The following FAM13A variants were observed in gnomAD, a reference collection of about 807,000 sequenced individuals.
The protein encoded by FAM13A is family with sequence similarity 13 member A.
A neutral mutation model predicts 129.6 loss-of-function variants in FAM13A; 76 were observed. That is an observed-to-expected ratio of 0.59 (90% CI 0.49 to 0.71). The LOEUF is 0.71. FAM13A is among the 30% of genes least tolerant of loss of function. The pLI, the probability that FAM13A is intolerant of heterozygous loss-of-function variation, is 0.00. For missense variants in FAM13A, 1,108 were observed against 1,249.3 expected, an observed-to-expected ratio of 0.89 and a Z score of 1.70; for synonymous variants, 443 against 449.9, an observed-to-expected ratio of 0.98 and a Z score of 0.20.
At chr4:89,007,073 A>G (rs1386365539) in intron 3 of FAM13A, among the ~76,000 whole-genome samples, 1 of 152,118 alleles carries the variant, frequency 6.6e-6, no homozygotes, top group Non-Finnish European at 1.5e-5. Flanking sequence ...TTGAGGGTGG[A>G]GCCCTCACCA....
intron 11 of FAM13A, among the ~76,000 whole-genome samples, chr4:88,771,046 A>G (rs1720572984): frequency 6.6e-6 from 1 of 152,114 alleles, no homozygotes; most frequent in African/African-American, 2.4e-5. Flanking sequence ...GTCTGGTTTC[A>G]CTAAAACAGC....
chr4:88,804,684 T>C (rs1203962558), intron 8 of FAM13A, among the ~76,000 whole-genome samples: 1 of 140,470 alleles, frequency 7.1e-6, no homozygotes. Context: ...CCCACTAACC[T>C]ATGCATATGT....
At chr4:88,994,308 A>G (rs1763273709) in intron 3 of FAM13A, among the ~76,000 whole-genome samples, 1 of 152,194 alleles carries the variant, frequency 6.6e-6, no homozygotes, top group Non-Finnish European at 1.5e-5. Context: ...CTCTTTTCAT[A>G]CAGGTTAATT....
rs570498387 is a variant in FAM13A, at chr4:88,830,023, C to T, written c.1007+20997G>A. Among the ~76,000 whole-genome samples the T allele has an allele frequency of 3.7e-4, 56 of 152,096 alleles. No individual in the cohort carries two copies. The East Asian group carries it at 4.8e-3, about 13-fold the overall frequency. ...AGGTTTATATTTATATGTGTGTGTG[C>T]GCATATATATATTCAATAATGGCTA... On this transcript the variant is annotated intron_variant, in intron 7 of 23. Transcript: ENST00000264344.
At chr4:88,851,212 G>C (rs879036666) in intron 6 of FAM13A, 29 bp from the exon 7 acceptor site, 2 of 1,522,068 alleles carry the variant, frequency 1.3e-6, no homozygotes, top group Non-Finnish European at 1.8e-6. Flanking sequence ...AGGGGTGGGG[G>C]AGAGCTAGAT....
At chr4:88,955,519 A>C (rs1421123349) in intron 4 of FAM13A, among the ~76,000 whole-genome samples, 1 of 152,202 alleles carries the variant, frequency 6.6e-6, no homozygotes, top group African/African-American at 2.4e-5. Context: ...AAAGATACCC[A>C]AAAAATGTGA....
chr4:88,737,825 C>T (rs1275564488), intron 20 of FAM13A, among the ~76,000 whole-genome samples: 1 of 152,136 alleles, frequency 6.6e-6, no homozygotes, highest in Non-Finnish European at 1.5e-5. Flanking sequence ...AGAAGAAACC[C>T]GAGGAGAAAC....
intron 5 of FAM13A, among the ~76,000 whole-genome samples, chr4:88,919,880 C>T (rs137965846): frequency 4.8e-3 from 728 of 152,352 alleles, no homozygotes; most frequent in African/African-American, 0.017. Flanking sequence ...TAAAAAATGG[C>T]GCACCAGGAG....
chr4:89,005,663 T>A (rs1054366517), intron 3 of FAM13A, among the ~76,000 whole-genome samples: 4 of 152,210 alleles, frequency 2.6e-5, no homozygotes, highest in African/African-American at 9.7e-5. Flanking sequence ...TCTCTAATGA[T>A]CAGTGATGTT....
intron 3 of FAM13A, chr4:89,008,853 A>C (rs1765390233): frequency 1.3e-5 from 2 of 152,260 alleles, no homozygotes; most frequent in Non-Finnish European, 2.9e-5. Context: ...AATATTGTCC[A>C]AACATAATTG....
At chr4:88,745,426 A>C (rs540701806) in intron 19 of FAM13A, among the ~76,000 whole-genome samples, 1 of 152,350 alleles carries the variant, frequency 6.6e-6, no homozygotes, top group African/African-American at 2.4e-5. Context: ...ATTGGCAGCA[A>C]GGTGAAGTCT....
intron 4 of FAM13A, among the ~76,000 whole-genome samples, chr4:88,949,871 T>C (rs1197305659): frequency 6.6e-6 from 1 of 152,206 alleles, no homozygotes; most frequent in Non-Finnish European, 1.5e-5. Flanking sequence ...AACTCATGAG[T>C]GCTTCTCAAA....
Position 88,925,357 on chromosome 4 carries a change from A to C in FAM13A, c.759+12731T>G, listed in dbSNP as rs184241353. Among the ~76,000 whole-genome samples the C allele has an allele frequency of 2.1e-4, 32 of 152,318 alleles. No homozygotes were observed. The East Asian group carries it at 6.0e-3, about 29-fold the overall frequency. On this transcript the variant is annotated intron_variant, in intron 5 of 23. Transcript: ENST00000264344. The stretch of plus-strand genomic sequence containing the variant: ...TAAGAAAATGTGGCACACATACACC[A>C]CGGAATACTATGCAGCCATAAAAAA...
intron 6 of FAM13A, among the ~76,000 whole-genome samples, chr4:88,894,230 A>G (rs747269068): frequency 1.2e-4 from 18 of 152,364 alleles, no homozygotes; most frequent in East Asian, 1.9e-4. Context: ...AATGAGTCAC[A>G]TGAAAATTAT....
At chr4:88,867,457 CAAG>C (rs1438966467) in intron 6 of FAM13A, among the ~76,000 whole-genome samples, 2 of 152,202 alleles carry the variant, frequency 1.3e-5, no homozygotes, top group Admixed American at 1.3e-4. Context: ...TGACAGCTGT[CAAG>C]AAGGAGGGTC....
chr4:88,934,594 T>G (rs1180332936), intron 5 of FAM13A, among the ~76,000 whole-genome samples: 1 of 152,218 alleles, frequency 6.6e-6, no homozygotes, highest in Non-Finnish European at 1.5e-5. Context: ...AATTAGACTG[T>G]GGCTGTTAGA....
rs757333532 is a variant in FAM13A at position 88,906,423 on chromosome 4, T to C, written c.799A>G (p.Arg267Gly). The C allele has an allele frequency of 5.0e-6, 8 of 1,612,220 alleles. No individual in the cohort carries two copies. The East Asian group carries it at 6.7e-5, about 14-fold the overall frequency. ...TTTGGCATGTCTCTTTCTAAGCCTC[T>C]TGTTAAAAGGATGGGCAGGGAGTTC... is the stretch of plus-strand genomic sequence containing the variant. ...YKNSLPILLTRGLERDMPKPP... is the reference protein window; with the variant it reads ...YKNSLPILLTGGLERDMPKPP... The change falls in exon 6 of 24, where the codon AGA (arginine) becomes GGA (glycine). Residue 267 changes from arginine to glycine, a missense_variant. Arg to Gly is a moderately radical substitution (Grantham distance 125). This residue lies in a region of FAM13A where 566 missense variants were observed against 595.7 expected (regional missense o/e 0.95). Transcript: ENST00000264344.
In FAM13A at chr4:88,747,755, T is replaced by G. The variant is rs1375192030; in HGVS notation, c.2258A>C (p.Glu753Ala). The G allele has an allele frequency of 6.2e-7, 1 of 1,614,230 alleles. No homozygotes were observed. The highest frequency in any genetic ancestry group is 2.2e-5 in the East Asian group (1 of 44,894). ...PKSFGSQLEKEDEKKQELVDK... is the reference protein window; with the variant it reads ...PKSFGSQLEKADEKKQELVDK... ...CACCAGCTCTTGCTTCTTCTCATCTTCTTTCTCAAGTTGGGAACCAAAACT... is the reference window on the plus strand; with the variant it reads ...CACCAGCTCTTGCTTCTTCTCATCTGCTTTCTCAAGTTGGGAACCAAAACT... The change falls in exon 18 of 24, where the codon GAA becomes GCA. Residue 753 changes from glutamate to alanine, a missense_variant. Around this residue, in one of 3 missense-constraint regions of FAM13A, gnomAD observed 529 missense variants for 621.2 expected, o/e 0.85. Coordinates refer to ENST00000264344, the MANE Select transcript of FAM13A (RefSeq NM_014883.4).
At chr4:88,841,260 C>T (rs763763838) in intron 7 of FAM13A, among the ~76,000 whole-genome samples, 2 of 152,042 alleles carry the variant, frequency 1.3e-5, no homozygotes, top group Non-Finnish European at 2.9e-5. Context: ...CTTTGGGAGG[C>T]CTAGCTGGGC....
Sources: gnomAD v4.1 joint callset for allele counts (sites outside exome capture counted in the v4.1 genomes callset) on GRCh38, gnomAD v4.1.1 for gene constraint, gnomAD v4.1.1 regional missense constraint, MANE v1.5 for transcripts, NCBI Gene and HGNC (gene_info 2026-07-23, HGNC 2026-07-21) for gene names.